Variants in F11R observed in about 807,000 individuals in gnomAD.
F11R encodes the protein F11 receptor.
A neutral mutation model predicts 39.3 loss-of-function variants in F11R; 27 were observed. That is an observed-to-expected ratio of 0.69 (90% confidence interval 0.51 to 0.95). The LOEUF (loss-of-function observed/expected upper bound fraction) is 0.95, where lower values mean the gene tolerates loss of function less well. F11R is among the 40% of genes least tolerant of loss of function. F11R has a pLI of 0.00. For synonymous variants in F11R, 131 were observed against 144.9 expected, an observed-to-expected ratio of 0.90 and a Z score of 0.69; for missense variants, 335 against 372.7, an observed-to-expected ratio of 0.90 and a Z score of 0.83.
intron 6 of F11R, 31 bp downstream of exon 6, chr1:160,999,845 C>G: frequency 1.2e-6 from 2 of 1,610,938 alleles, no homozygotes; most frequent in Non-Finnish European, 1.7e-6. Flanking sequence ...CAATCCCCAC[C>G]CCAGGTCTGG....
In F11R at chr1:160,999,631, G is replaced by A. The variant is rs1363342350; in HGVS notation, c.802+9C>T. ...GTACAAAGGAGAGCCTCTGGGGGCAGATACTTACTGTCAAAGTGGCCTCGG... is the reference window on the plus strand; with the variant it reads ...GTACAAAGGAGAGCCTCTGGGGGCAAATACTTACTGTCAAAGTGGCCTCGG... On this transcript the variant is annotated intron_variant, in intron 7 of 9. Coordinates refer to ENST00000368026, the MANE Select transcript of F11R (RefSeq NM_016946.6). 1 of 1,611,712 alleles carries A rather than the reference G, an allele frequency of 6.2e-7. No homozygotes were observed. The highest frequency in any genetic ancestry group is 8.5e-7 in the Non-Finnish European group (1 of 1,177,956).
In F11R at chr1:161,000,152, T is replaced by C. The variant is rs1444443968; in HGVS notation, c.585A>G (p.Gly195=). The change falls in exon 5 of 10, where the codon GGA becomes GGG. Residue 195 remains glycine (G), a synonymous_variant. Coordinates refer to ENST00000368026, the MANE Select transcript of F11R (RefSeq NM_016946.6). ...NSSYVLNPTT[G]ELVFDPLSAS... is the part of the protein sequence containing the mutation. ...ACCACCACCCCATACATACCAGCTC[T>C]CCTGTTGTGGGATTCAGGACATAGG... 1.2e-6 allele frequency: 2 copies of C among 1,614,160 alleles called. No homozygotes were observed. Among genetic ancestry groups the C allele is most frequent in the South Asian group, 2.2e-5 (2 of 91,070 alleles).
In F11R at chr1:160,999,952, A is replaced by G; in HGVS notation, c.618T>C (p.Asp206=). 1 of 1,614,176 alleles carries G rather than the reference A, an allele frequency of 6.2e-7. No homozygotes were observed. The highest frequency in any genetic ancestry group is 1.1e-5 in the South Asian group (1 of 91,082). The change falls in exon 6 of 10, where the codon GAT becomes GAC. Residue 206 remains aspartate, a synonymous_variant. Coordinates refer to ENST00000368026, the MANE Select transcript of F11R (RefSeq NM_016946.6). The part of the protein sequence containing the change: ...ELVFDPLSAS[D]TGEYSCEARN... ...GTGCCTCACAGCTGTATTCTCCAGT[A>G]TCAGAGGCTGACAGGGGATCAAAGA...
At chr1:161,002,413 A>G (rs549698558) in intron 1 of F11R, 1 of 152,310 alleles carries the variant, frequency 6.6e-6, no homozygotes, top group South Asian at 2.1e-4. Context: ...GGGAGAAGCA[A>G]CAAGGCTAAT....
chr1:161,020,987 C>T (rs746337558), intron 1 of F11R, 23 bp downstream of exon 1: 34 of 1,612,306 alleles, frequency 2.1e-5, no homozygotes, highest in Non-Finnish European at 2.9e-5. Flanking sequence ...CAACCGATTC[C>T]TCCCGAAACT....
At chr1:161,003,153 C>T (rs1648593581) in intron 1 of F11R, among the ~76,000 whole-genome samples, 1 of 129,124 alleles carries the variant, frequency 7.7e-6, no homozygotes, top group Non-Finnish European at 1.6e-5. Context: ...GACAGAGTTT[C>T]GCTCTTGTTG....
chr1:161,013,948 C>A (rs1649306132), intron 1 of F11R, among the ~76,000 whole-genome samples: 1 of 152,202 alleles, frequency 6.6e-6, no homozygotes, highest in Admixed American at 6.6e-5. Context: ...TCCTGTTCCG[C>A]CCCTACATTG....
intron 1 of F11R, among the ~76,000 whole-genome samples, chr1:161,007,630 G>A (rs1648900122): frequency 6.6e-6 from 1 of 152,132 alleles, no homozygotes; most frequent in Non-Finnish European, 1.5e-5. Flanking sequence ...AGCTAATACT[G>A]TACAAATAAA....
chr1:161,020,842 T>G (rs987254716), intron 1 of F11R, among the ~76,000 whole-genome samples, 168 bp downstream of exon 1: 2 of 152,104 alleles, frequency 1.3e-5, no homozygotes, highest in African/African-American at 4.8e-5. Flanking sequence ...CTCACCCAGC[T>G]GTGAGAGTGG....
At chr1:161,012,729 A>G (rs1029138515) in intron 1 of F11R, among the ~76,000 whole-genome samples, 1 of 151,808 alleles carries the variant, frequency 6.6e-6, no homozygotes, top group Admixed American at 6.6e-5. Flanking sequence ...GGTTCAAGCA[A>G]TTCTCCTGCC....
chr1:161,017,076 C>A (rs1649502781), intron 1 of F11R, among the ~76,000 whole-genome samples: 1 of 152,110 alleles, frequency 6.6e-6, no homozygotes, highest in South Asian at 2.1e-4. Flanking sequence ...CAGCATGCTC[C>A]TTAAGAGTCA....
intron 1 of F11R, among the ~76,000 whole-genome samples, chr1:161,016,142 A>C (rs541599193): frequency 3.5e-4 from 53 of 152,178 alleles, no homozygotes; most frequent in African/African-American, 1.2e-3. Context: ...GTTCGAGACC[A>C]GCCTGGCCAA....
chr1:161,010,391 C>G (rs1225397618), intron 1 of F11R, among the ~76,000 whole-genome samples: 5 of 129,668 alleles, frequency 3.9e-5, no homozygotes, highest in African/African-American at 1.5e-4. Flanking sequence ...TTGCATTGAG[C>G]TGAGATTAAG....
chr1:161,007,320 C>G (rs1403856118), intron 1 of F11R, among the ~76,000 whole-genome samples: 1 of 151,786 alleles, frequency 6.6e-6, no homozygotes, highest in Non-Finnish European at 1.5e-5. Context: ...ACAAAATTAA[C>G]CAGGCGTGGT....
At chr1:161,011,426 G>A (rs913932532) in intron 1 of F11R, among the ~76,000 whole-genome samples, 1 of 151,890 alleles carries the variant, frequency 6.6e-6, no homozygotes, top group Non-Finnish European at 1.5e-5. Flanking sequence ...CATACTTTAG[G>A]AATAATGTAG....
intron 1 of F11R, among the ~76,000 whole-genome samples, chr1:161,010,663 T>A (rs1649099984): frequency 6.6e-6 from 1 of 152,050 alleles, no homozygotes; most frequent in Non-Finnish European, 1.5e-5. Context: ...TTTCTAGGAA[T>A]ATAGCCTAAG....
chr1:161,009,299 T>A (rs533118231), intron 1 of F11R, among the ~76,000 whole-genome samples: 13 of 152,258 alleles, frequency 8.5e-5, no homozygotes, highest in African/African-American at 2.9e-4. Flanking sequence ...ACATCATCTG[T>A]GTACAAGCAT....
At position 161,010,973 on chromosome 1, in the gene F11R, T is replaced by TAAAA. The variant is rs747869704; in HGVS notation, c.65-9624_65-9621dup. On this transcript the variant is annotated intron_variant, in intron 1 of 9. Coordinates refer to ENST00000368026, the MANE Select transcript of F11R (RefSeq NM_016946.6). ...TGGGCGATAGAGTGGGACTCCATCT[T>TAAAA]AAAAAAAAAAAAAAAAAAAAAAATT... 6.0e-3 allele frequency among the ~76,000 whole-genome samples: 668 copies of TAAAA among 111,108 alleles called. 4 individuals are homozygous for TAAAA. The highest frequency in any genetic ancestry group is 0.025 in the Middle Eastern group (5 of 198). 72.9% of individuals were successfully genotyped at this position (111,108 alleles called of 152,430 possible). A position where few individuals can be genotyped will look rare whatever the true frequency, so the allele number is the denominator to read the frequency against.
chr1:161,018,962 G>A (rs1434965914), intron 1 of F11R, among the ~76,000 whole-genome samples: 1 of 152,062 alleles, frequency 6.6e-6, no homozygotes, highest in Non-Finnish European at 1.5e-5. Context: ...ATTATTTTAG[G>A]ATTATCATAA....
Sources: gnomAD v4.1 joint callset for allele counts (sites outside exome capture counted in the v4.1 genomes callset) on GRCh38, gnomAD v4.1.1 for gene constraint, MANE v1.5 for transcripts, NCBI Gene and HGNC (gene_info 2026-07-23, HGNC 2026-07-21) for gene names.